PRUNE2: variants seen among roughly 807,000 people sequenced by gnomAD.
PRUNE2 encodes protein prune homolog 2.
A neutral mutation model predicts 252.0 loss-of-function variants in PRUNE2; 164 were observed. That is an observed-to-expected ratio of 0.65 (90% CI 0.57 to 0.74). The LOEUF is 0.74. Among genes scored for constraint, PRUNE2 ranks in the 30% least tolerant of loss-of-function variants. The pLI is 0.00. For synonymous variants in PRUNE2, 1,292 were observed against 1,350.2 expected (o/e 0.96, Z 0.94); for missense variants, 3,495 against 3,711.0 (o/e 0.94, Z 1.51).
intron 16 of PRUNE2, chr9:76,627,951 C>T: frequency 4.3e-6 from 1 of 233,418 alleles, no homozygotes; most frequent in Non-Finnish European, 9.1e-6. Flanking sequence ...AGTTTCTAGG[C>T]TGGGCCTTTT....
chr9:76,761,131 A>G (rs2051688675), intron 6 of PRUNE2, among the ~76,000 whole-genome samples: 1 of 151,364 alleles, frequency 6.6e-6, no homozygotes, highest in South Asian at 2.1e-4. Context: ...GCTGAATTTA[A>G]TCCAACCAAA....
intron 18 of PRUNE2, among the ~76,000 whole-genome samples, chr9:76,617,908 G>C (rs1173019315): frequency 3.3e-5 from 5 of 152,206 alleles, no homozygotes; most frequent in Admixed American, 3.3e-4. Flanking sequence ...AACTGCTCAA[G>C]GGGGGTGCTG....
chr9:76,860,561 C>T (rs1343680987), intron 1 of PRUNE2, among the ~76,000 whole-genome samples: 2 of 152,206 alleles, frequency 1.3e-5, no homozygotes, highest in Admixed American at 1.3e-4. Context: ...CCTTGCAATA[C>T]AGTTATAAGA....
chr9:76,653,453 C>T (rs1470278731), intron 10 of PRUNE2, among the ~76,000 whole-genome samples: 2 of 152,074 alleles, frequency 1.3e-5, no homozygotes, highest in Admixed American at 1.3e-4. Flanking sequence ...ATAGTGTTTG[C>T]ACTGTGTTTA....
intron 6 of PRUNE2, among the ~76,000 whole-genome samples, chr9:76,760,798 T>C (rs1214894922): frequency 6.6e-6 from 1 of 152,118 alleles, no homozygotes; most frequent in Non-Finnish European, 1.5e-5. Context: ...AACCTGTACA[T>C]GTCCAGACTC....
chr9:76,857,774 T>C (rs553361886), intron 1 of PRUNE2, among the ~76,000 whole-genome samples: 2 of 152,002 alleles, frequency 1.3e-5, no homozygotes, highest in East Asian at 3.9e-4. Flanking sequence ...AACACAGGGG[T>C]CAAGCCAAGG....
At chr9:76,649,640 AGAT>A (rs1207675769) in intron 11 of PRUNE2, among the ~76,000 whole-genome samples, 19 of 151,292 alleles carry the variant, frequency 1.3e-4, no homozygotes, top group African/African-American at 4.6e-4. Context: ...ATAGATAGAT[AGAT>A]AGAATAGGCT....
At chr9:76,833,761 T>C (rs1005675706) in intron 4 of PRUNE2, among the ~76,000 whole-genome samples, 2 of 142,840 alleles carry the variant, frequency 1.4e-5, no homozygotes, top group Non-Finnish European at 3.1e-5. Context: ...CAAGACTCCA[T>C]AAAAAAAAAT....
chr9:76,859,709 GTTTGTT>G, intron 1 of PRUNE2, among the ~76,000 whole-genome samples: 1 of 152,016 alleles, frequency 6.6e-6, no homozygotes, highest in African/African-American at 2.4e-5. Flanking sequence ...TTGTTTGTTT[GTTTGTT>G]TGTTTGTTTT....
chr9:76,641,436 C>T (rs538973922), intron 12 of PRUNE2, among the ~76,000 whole-genome samples: 46 of 152,062 alleles, frequency 3.0e-4, no homozygotes, highest in African/African-American at 1.1e-3. Context: ...ATAGCTGCTT[C>T]CTGCTAAAAA....
Position 76,710,146 on chromosome 9 carries a change from AT to A in PRUNE2, c.2127del (p.Glu709AspfsTer53). On this transcript the variant is annotated frameshift_variant, in exon 8 of 19. Transcript: ENST00000376718. LOFTEE classifies it high-confidence loss of function. ...GACTCCCAGGGACCTGACTTTGTAA[AT>A]TCGAGGCTCTTTGGTTGAAATACAG... is the stretch of plus-strand genomic sequence containing the variant. ...SDSVFQPKSL[E>X]FTKSGPWESE... 1 of 1,613,902 alleles carries A rather than the reference AT, an allele frequency of 6.2e-7. No homozygotes were observed. Among genetic ancestry groups the A allele is most frequent in the Non-Finnish European group, 8.5e-7 (1 of 1,179,872 alleles).
At chr9:76,743,645 G>T (rs916191985) in intron 6 of PRUNE2, among the ~76,000 whole-genome samples, 6 of 152,124 alleles carry the variant, frequency 3.9e-5, no homozygotes, top group Non-Finnish European at 5.9e-5. Context: ...TATAAATATT[G>T]ATCTTATTTG....
intron 1 of PRUNE2, among the ~76,000 whole-genome samples, chr9:76,903,032 TA>T (rs2063274593): frequency 6.6e-6 from 1 of 152,204 alleles, no homozygotes; most frequent in Non-Finnish European, 1.5e-5. Context: ...AACTACCTGA[TA>T]AAAATTCAAA....
chr9:76,703,203 G>T (rs10521474), intron 9 of PRUNE2, 134 bp downstream of exon 9: 24,873 of 680,808 alleles, frequency 0.037, 1,008 homozygotes, highest in East Asian at 0.15. Flanking sequence ...TTTACTGATG[G>T]TGTGCCTTGC....
intron 9 of PRUNE2, chr9:76,692,321 C>A (rs918573611): frequency 5.7e-5 from 32 of 560,032 alleles, no homozygotes; most frequent in Non-Finnish European, 8.6e-5. Flanking sequence ...GATACCCTTT[C>A]ACCCACGTTG....
chr9:76,888,526 G>A (rs1391493366), intron 1 of PRUNE2, among the ~76,000 whole-genome samples: 2 of 151,752 alleles, frequency 1.3e-5, no homozygotes, highest in Middle Eastern at 3.4e-3. Context: ...GCAGTGAGCC[G>A]AGGTCGCACC....
chr9:76,873,586 G>A (rs774337445), intron 1 of PRUNE2, among the ~76,000 whole-genome samples: 42 of 151,990 alleles, frequency 2.8e-4, no homozygotes, highest in Non-Finnish European at 3.4e-4. Context: ...TGGCTCTTTC[G>A]GGCTCCCAAC....
At chr9:76,876,472 T>C (rs1476958169) in intron 1 of PRUNE2, among the ~76,000 whole-genome samples, 1 of 152,202 alleles carries the variant, frequency 6.6e-6, no homozygotes, top group African/African-American at 2.4e-5. Flanking sequence ...ATTGATTCCA[T>C]GGAGGCACCT....
intron 1 of PRUNE2, among the ~76,000 whole-genome samples, chr9:76,905,010 T>C (rs1260897619): frequency 1.3e-5 from 2 of 152,250 alleles, no homozygotes; most frequent in African/African-American, 4.8e-5. Flanking sequence ...GCATCATAAA[T>C]TATGCATTTC....
Sources: allele counts gnomAD v4.1 joint callset (sites outside exome capture counted in the v4.1 genomes callset), GRCh38; gene constraint gnomAD v4.1.1; transcripts MANE v1.5; gene names NCBI Gene and HGNC (gene_info 2026-07-23, HGNC 2026-07-21).